The following HECTD4 variants were observed in gnomAD, a reference collection of about 807,000 sequenced individuals.
HECTD4 encodes probable E3 ubiquitin-protein ligase HECTD4.
Under a neutral mutation model 471.5 loss-of-function variants are expected in HECTD4, and 114 were observed. That is an observed-to-expected ratio of 0.24 (90% CI 0.21 to 0.28). The LOEUF (loss-of-function observed/expected upper bound fraction) is 0.28. Ranked by LOEUF, HECTD4 falls within the 10% of genes least tolerant of loss-of-function variation. HECTD4 has a pLI of 1.00. For synonymous variants in HECTD4, 2,012 were observed against 2,256.0 expected (o/e 0.89, Z 3.07); for missense variants, 3,866 against 5,651.5 (o/e 0.68, Z 10.13).
In HECTD4 at chr12:112,243,711, G is replaced by A; in HGVS notation, c.4700C>T (p.Ser1567Leu). 6.2e-7 allele frequency: 1 copy of A among 1,613,892 alleles called. No homozygotes were observed. The highest frequency in any genetic ancestry group is 8.5e-7 in the Non-Finnish European group (1 of 1,179,830). The change falls in exon 31 of 76, where the codon TCG becomes TTG. Residue 1567 changes from serine to leucine, a missense_variant. Transcript: ENST00000682272. This position sits in a 1 kb window ranked among gnomAD's most constrained non-coding sequence, Gnocchi z 6.6. ...GTCCCTGCTGTCCTCAATGGCCAGCGACTGCAGGAGTGTAAAGGAGCTGCT... is the reference window on the plus strand; with the variant it reads ...GTCCCTGCTGTCCTCAATGGCCAGCAACTGCAGGAGTGTAAAGGAGCTGCT... ...HRSSSFTLLQ[S>L]LAIEDSRDKP... is the part of the protein sequence containing the mutation.
At chr12:112,236,859 G>A (rs904628179) in intron 35 of HECTD4, 86 bp downstream of exon 35, 14 of 1,279,174 alleles carry the variant, frequency 1.1e-5, no homozygotes, top group African/African-American at 4.5e-5. Context: ...TAGCTATTTT[G>A]AAAAGACAAC....
At position 112,185,044 on chromosome 12, in the gene HECTD4, G is replaced by T; in HGVS notation, c.9922C>A (p.Leu3308Ile). Residue 3308 changes from leucine to isoleucine, a missense_variant, in exon 61 of 76, where the codon CTC becomes ATC. Transcript: ENST00000682272. ...SPGQTPQSPS[L>I]LSKRKKVKMK... ...TTGACTTTTTTCCTCTTGGAGAGGA[G>T]GCTGGGACTCTGTGGGGTCTGTCCT... 1 of 1,594,242 alleles carries T rather than the reference G, an allele frequency of 6.3e-7. No homozygotes were observed. The highest frequency in any genetic ancestry group is 8.5e-7 in the Non-Finnish European group (1 of 1,170,458).
chr12:112,229,010 A>T (rs748333040), intron 41 of HECTD4, among the ~76,000 whole-genome samples, 199 bp from the exon 42 acceptor site: 4 of 152,180 alleles, frequency 2.6e-5, no homozygotes, highest in Non-Finnish European at 5.9e-5. Context: ...TGATCACAAC[A>T]TGCTGTCATC....
chr12:112,204,446 A>G (rs777588029), intron 53 of HECTD4, 40 bp downstream of exon 53: 3 of 1,582,158 alleles, frequency 1.9e-6, no homozygotes, highest in African/African-American at 1.4e-5. Flanking sequence ...CTCTCATTTC[A>G]TAGGAAATTT....
chr12:112,372,727 C>T (rs2036706025), intron 1 of HECTD4, among the ~76,000 whole-genome samples: 1 of 151,974 alleles, frequency 6.6e-6, no homozygotes, highest in African/African-American at 2.4e-5. Context: ...CCACACTCAG[C>T]CCACATCCAT....
chr12:112,293,543 A>AAATCAATC (rs10675861), intron 7 of HECTD4, among the ~76,000 whole-genome samples: 46,681 of 151,038 alleles, frequency 0.31, 9,265 homozygotes, highest in East Asian at 0.72. Flanking sequence ...TTCCATCTCA[A>AAATCAATC]AATCAATCAA....
Position 112,162,271 on chromosome 12 carries a change from A to G in HECTD4, c.*116T>C, listed in dbSNP as rs965734409. ...TGGAATGTGGACGAAAGTTTGGAAA[A>G]GCAAAATGTTGCCAACTCCTCACGC... On this transcript the variant is annotated 3_prime_UTR_variant, in exon 76 of 76. Transcript: ENST00000682272. This position sits in a 1 kb window ranked among gnomAD's most constrained non-coding sequence, Gnocchi z 5.2. 38 of 1,275,086 alleles carry G rather than the reference A, an allele frequency of 3.0e-5. No individual in the cohort carries two copies. Among genetic ancestry groups the G allele is most frequent in the Non-Finnish European group, 4.0e-5 (36 of 908,728 alleles). The allele number at this position is 1,275,086 out of a possible 1,614,324, so 79.0% of individuals were successfully genotyped here.
Position 112,213,480 on chromosome 12 carries a change from A to G in HECTD4, c.7466-830T>C, listed in dbSNP as rs532486356. Among the ~76,000 whole-genome samples the G allele has an allele frequency of 3.3e-5, 5 of 151,486 alleles. No individual in the cohort carries two copies. The South Asian group carries it at 8.4e-4, about 25-fold the overall frequency. ...GGTGGGTGGATCACAAGGTCAGGAGATCGAGTCCATCCTGGCTAACACGGT... is the reference window on the plus strand; with the variant it reads ...GGTGGGTGGATCACAAGGTCAGGAGGTCGAGTCCATCCTGGCTAACACGGT... On this transcript the variant is annotated intron_variant, in intron 48 of 75. Transcript: ENST00000682272. The surrounding 1 kb of genome is among the most constrained non-coding windows in gnomAD (Gnocchi z 4.0).
At chr12:112,264,825 C>T (rs552253139) in intron 16 of HECTD4, among the ~76,000 whole-genome samples, 13 of 152,224 alleles carry the variant, frequency 8.5e-5, no homozygotes, top group African/African-American at 2.9e-4. Flanking sequence ...AGTGCGGTGG[C>T]GCGATCTCAG....
Position 112,185,233 on chromosome 12 carries a change from C to A in HECTD4, c.9733G>T (p.Gly3245Cys), listed in dbSNP as rs552125552. ...ACGGSGGAAA[G>C]DQGRFSTYFH... The stretch of plus-strand genomic sequence containing the variant: ...TACGTAGAGAACCTGCCCTGGTCAC[C>A]GGCCGCCGCCCCCCCGGAGCCCCCG... The change falls in exon 61 of 76, where the codon GGT (glycine) becomes TGT (cysteine). Residue 3245 changes from glycine to cysteine, a missense_variant. This residue lies in a region of HECTD4 where 364 missense variants were observed against 413.2 expected (regional missense o/e 0.88). Coordinates refer to ENST00000682272, the MANE Select transcript of HECTD4 (RefSeq NM_001388303.1). The A allele has an allele frequency of 3.9e-6, 6 of 1,550,612 alleles. No individual in the cohort carries two copies. The Admixed American group carries it at 9.8e-5, about 25-fold the overall frequency.
chr12:112,170,222 A>C, intron 69 of HECTD4, 111 bp downstream of exon 69: 2 of 1,426,702 alleles, frequency 1.4e-6, no homozygotes, highest in South Asian at 2.6e-5. Context: ...GCAGAACGAC[A>C]GGAGGAACCG....
chr12:112,359,282 T>C (rs986643975), intron 1 of HECTD4, among the ~76,000 whole-genome samples: 1 of 150,568 alleles, frequency 6.6e-6, no homozygotes, highest in Admixed American at 6.6e-5. Context: ...TTCTCTACCA[T>C]GTGAATCATG....
intron 29 of HECTD4, among the ~76,000 whole-genome samples, chr12:112,245,933 A>G (rs1593971547): frequency 6.6e-6 from 1 of 152,080 alleles, no homozygotes; most frequent in Non-Finnish European, 1.5e-5. Flanking sequence ...GGGGTTCAAG[A>G]CCAGCCTGGC....
At chr12:112,263,684 A>C (rs1046989961) in intron 17 of HECTD4, among the ~76,000 whole-genome samples, 26 of 150,780 alleles carry the variant, frequency 1.7e-4, no homozygotes, top group Non-Finnish European at 5.9e-5. Flanking sequence ...AAATTTTGAA[A>C]TTATTTAATG....
intron 44 of HECTD4, among the ~76,000 whole-genome samples, chr12:112,226,292 T>C (rs2033233359): frequency 6.6e-6 from 1 of 152,126 alleles, no homozygotes; most frequent in Admixed American, 6.6e-5. Context: ...AATTCAAATG[T>C]AGCCAATGAC....
At chr12:112,206,792 T>A (rs2032600908) in intron 52 of HECTD4, among the ~76,000 whole-genome samples, 1 of 152,164 alleles carries the variant, frequency 6.6e-6, no homozygotes, top group Non-Finnish European at 1.5e-5. Context: ...TGCCTTGGCT[T>A]CCCAAAGTCC....
chr12:112,347,648 T>C (rs1226629368), intron 1 of HECTD4, among the ~76,000 whole-genome samples: 1 of 152,210 alleles, frequency 6.6e-6, no homozygotes, highest in Non-Finnish European at 1.5e-5. Context: ...TATGCAAATA[T>C]CATACGTCAG....
chr12:112,269,828 T>C lies in HECTD4; in HGVS notation c.2197A>G (p.Ser733Gly), dbSNP rs1276210992. 6.2e-7 allele frequency: 1 copy of C among 1,613,798 alleles called. No homozygotes were observed. Among genetic ancestry groups the C allele is most frequent in the Admixed American group, 1.7e-5 (1 of 59,984 alleles). ...VFQVVFKFFFSPQTERNRDII... is the reference protein window; with the variant it reads ...VFQVVFKFFFGPQTERNRDII... ...TCTCGATTCCTTTCAGTTTGTGGGC[T>C]GAAGAAAAATTTAAATACCACCTAC... The change falls in exon 13 of 76, where the codon AGC becomes GGC. Residue 733 changes from serine (S) to glycine (G), a missense_variant. Physicochemically the swap from Ser to Gly is moderately conservative, Grantham distance 56. This residue lies in a region of HECTD4 where 525 missense variants were observed against 672.6 expected (regional missense o/e 0.78). Transcript: ENST00000682272.
At chr12:112,329,955 T>A (rs2035815094) in intron 1 of HECTD4, among the ~76,000 whole-genome samples, 1 of 152,008 alleles carries the variant, frequency 6.6e-6, no homozygotes, top group African/African-American at 2.4e-5. Context: ...CTACTTTTTT[T>A]AATAAAAATA....
Sources: gnomAD v4.1 joint callset for allele counts (sites outside exome capture counted in the v4.1 genomes callset) on GRCh38, gnomAD v4.1.1 for gene constraint, gnomAD v4.1.1 regional missense constraint, Gnocchi (gnomAD v3.1) non-coding constraint, MANE v1.5 for transcripts, NCBI Gene and HGNC (gene_info 2026-07-23, HGNC 2026-07-21) for gene names.